The following IP6K2 variants were observed in gnomAD, a reference collection of about 807,000 sequenced individuals.
The protein encoded by IP6K2 is inositol hexakisphosphate kinase 2.
IP6K2 carries 9 observed loss-of-function variants against 43.3 expected under a neutral mutation model. That is an observed-to-expected ratio of 0.21 (90% confidence interval 0.13 to 0.36). The LOEUF is 0.36. Ranked by LOEUF, IP6K2 falls within the 10% of genes least tolerant of loss-of-function variation. The pLI is 1.00. For synonymous variants in IP6K2, 209 were observed against 202.4 expected (o/e 1.03, Z -0.28); for missense variants, 332 against 538.4 (o/e 0.62, Z 3.79).
At chr3:48,691,909 G>A (rs961882986) in intron 3 of IP6K2, among the ~76,000 whole-genome samples, 10 of 151,660 alleles carry the variant, frequency 6.6e-5, no homozygotes, top group East Asian at 1.9e-4. Context: ...GCAATGGTGC[G>A]ATCTCAGCTC....
chr3:48,708,776 G>A (rs2080131620), intron 1 of IP6K2, among the ~76,000 whole-genome samples: 1 of 152,092 alleles, frequency 6.6e-6, no homozygotes, highest in Admixed American at 6.6e-5. Flanking sequence ...ATGCCAATAA[G>A]TAATGGTTCC....
At chr3:48,704,109 A>C (rs1240555966) in intron 1 of IP6K2, among the ~76,000 whole-genome samples, 1 of 152,188 alleles carries the variant, frequency 6.6e-6, no homozygotes, top group Non-Finnish European at 1.5e-5. Flanking sequence ...AAAGAAAAGA[A>C]AAGAAAAAAA....
chr3:48,714,473 A>C (rs1029986424), intron 1 of IP6K2, among the ~76,000 whole-genome samples: 1 of 151,696 alleles, frequency 6.6e-6, no homozygotes, highest in Non-Finnish European at 1.5e-5. Context: ...GCTCACTGCA[A>C]TCTCCACCCC....
chr3:48,700,951 ATGCCTCATACAT>A (rs2078952495), intron 1 of IP6K2, among the ~76,000 whole-genome samples: 1 of 152,230 alleles, frequency 6.6e-6, no homozygotes, highest in South Asian at 2.1e-4. Flanking sequence ...TAATTATGCA[ATGCCTCATACAT>A]TGCTGGTAGC....
chr3:48,710,954 C>G (rs1559564256), intron 1 of IP6K2, among the ~76,000 whole-genome samples: 1 of 152,106 alleles, frequency 6.6e-6, no homozygotes, highest in Non-Finnish European at 1.5e-5. Flanking sequence ...GTCTCCCAGG[C>G]TGAAGCGCAG....
chr3:48,706,941 C>G (rs1172902545), intron 1 of IP6K2, among the ~76,000 whole-genome samples: 1 of 152,088 alleles, frequency 6.6e-6, no homozygotes, highest in Non-Finnish European at 1.5e-5. Context: ...TCAATCTAAA[C>G]AAACATTCAC....
At chr3:48,698,236 G>T (rs998891089) in intron 1 of IP6K2, among the ~76,000 whole-genome samples, 1 of 152,210 alleles carries the variant, frequency 6.6e-6, no homozygotes, top group South Asian at 2.1e-4. Context: ...TTGAATAAGA[G>T]TAATACCAAA....
chr3:48,691,679 G>A (rs530661667), intron 3 of IP6K2, among the ~76,000 whole-genome samples, 197 bp from the exon 4 acceptor site: 12 of 152,128 alleles, frequency 7.9e-5, no homozygotes, highest in Admixed American at 7.2e-4. Context: ...AGCCAGGCGT[G>A]GTGGTGTGCT....
At chr3:48,690,345 T>C (rs2077656730) in intron 4 of IP6K2, among the ~76,000 whole-genome samples, 1 of 152,162 alleles carries the variant, frequency 6.6e-6, no homozygotes, top group African/African-American at 2.4e-5. Flanking sequence ...GACCAAAAAA[T>C]AGATAAAAGG....
chr3:48,713,611 G>C (rs143581938), intron 1 of IP6K2, among the ~76,000 whole-genome samples: 3 of 152,234 alleles, frequency 2.0e-5, no homozygotes, highest in African/African-American at 7.2e-5. Flanking sequence ...ACTCAATTTC[G>C]AAAACACATA....
chr3:48,694,933 T>C, intron 2 of IP6K2, 157 bp downstream of exon 2: 2 of 1,557,326 alleles, frequency 1.3e-6, no homozygotes, highest in Non-Finnish European at 1.7e-6. Flanking sequence ...TGTGAGATGC[T>C]GGGCTGAGGG....
intron 1 of IP6K2, among the ~76,000 whole-genome samples, chr3:48,697,183 G>A (rs2106855713): frequency 1.3e-5 from 2 of 151,232 alleles, no homozygotes; most frequent in South Asian, 4.2e-4. Context: ...ACCACACCCG[G>A]CTAATTTTTT....
Position 48,689,608 on chromosome 3 carries a change from G to A in IP6K2, c.710C>T (p.Ala237Val), listed in dbSNP as rs1358300926. 1.2e-6 allele frequency: 2 copies of A among 1,614,198 alleles called. No homozygotes were observed. The highest frequency in any genetic ancestry group is 1.7e-6 in the Non-Finnish European group (2 of 1,180,040). Residue 237 changes from alanine to valine, a missense_variant, in exon 5 of 6, where the codon GCA becomes GTA. By Grantham distance (64) the Ala-to-Val change is moderately conservative. Transcript: ENST00000328631. ...QHGDDASEEK[A>V]ANQIRKCQQS... ...CTGACATTTTCGGATCTGGTTGGCT[G>A]CCTTCTCCTCTGAAGCATCATCACC...
At chr3:48,714,803 G>A (rs915449774) in intron 1 of IP6K2, among the ~76,000 whole-genome samples, 14 of 133,076 alleles carry the variant, frequency 1.1e-4, no homozygotes, top group Middle Eastern at 5.1e-3. Context: ...AGCCGAGATC[G>A]CACCACTGCA....
chr3:48,715,567 G>C (rs1034095703), intron 1 of IP6K2: 8 of 1,123,534 alleles, frequency 7.1e-6, no homozygotes, highest in South Asian at 6.9e-5. Context: ...CTGTTACACT[G>C]ATTTCTAGAT....
chr3:48,694,490 C>A (rs778836787), intron 2 of IP6K2: 3 of 1,547,490 alleles, frequency 1.9e-6, no homozygotes, highest in East Asian at 2.4e-5. Context: ...CACTCCCCAA[C>A]AAAGACCCCA....
intron 1 of IP6K2, among the ~76,000 whole-genome samples, chr3:48,712,542 G>A (rs1339929542): frequency 1.3e-5 from 2 of 150,588 alleles, no homozygotes; most frequent in Non-Finnish European, 3.0e-5. Flanking sequence ...CACCATGCCC[G>A]GCCTACAATA....
In IP6K2 at chr3:48,695,458, G is replaced by A; in HGVS notation, c.-130-37C>T. 1 of 1,404,094 alleles carries A rather than the reference G, an allele frequency of 7.1e-7. No individual in the cohort carries two copies. Among genetic ancestry groups the A allele is most frequent in the Non-Finnish European group, 9.3e-7 (1 of 1,077,066 alleles). The allele number at this position is 1,404,094 out of a possible 1,614,324, so 87.0% of individuals were successfully genotyped here. ...CAAAATGATGACATGGGGGTTCGAA[G>A]TAGCGTGGGAAGTGCCTTAGAGCTG... On this transcript the variant is annotated intron_variant, in intron 1 of 5. Transcript: ENST00000328631. The surrounding 1 kb of genome is among the most constrained non-coding windows in gnomAD (Gnocchi z 4.6).
chr3:48,711,131 G>A (rs1345883914), intron 1 of IP6K2, among the ~76,000 whole-genome samples: 3 of 152,056 alleles, frequency 2.0e-5, no homozygotes, highest in African/African-American at 4.8e-5. Flanking sequence ...GGCTGGTGTC[G>A]AACTCCTGGG....
Sources: allele counts gnomAD v4.1 joint callset (sites outside exome capture counted in the v4.1 genomes callset), GRCh38; gene constraint gnomAD v4.1.1; non-coding constraint Gnocchi (gnomAD v3.1); transcripts MANE v1.5; gene names NCBI Gene and HGNC (gene_info 2026-07-23, HGNC 2026-07-21).